ACAA2: variants seen among roughly 807,000 people sequenced by gnomAD.
ACAA2 encodes the protein acetyl-CoA acyltransferase 2.
A neutral mutation model predicts 44.8 loss-of-function variants in ACAA2; 35 were observed. The observed-to-expected ratio is 0.78, with a 90% CI of 0.60 to 1.04. ACAA2 has a LOEUF of 1.04. Among genes scored for constraint, ACAA2 ranks in the 50% least tolerant of loss-of-function variants. ACAA2 has a pLI of 0.00. For missense variants in ACAA2, 468 were observed against 482.6 expected (o/e 0.97, Z 0.28); for synonymous variants, 142 against 166.5 (o/e 0.85, Z 1.13).
intron 1 of ACAA2, among the ~76,000 whole-genome samples, chr18:49,806,747 TA>T (rs1395780051): frequency 1.4e-4 from 22 of 152,182 alleles, no homozygotes; most frequent in African/African-American, 5.1e-4. Context: ...TAGAGGAAAA[TA>T]TGCTCCTAAT....
rs200910866 is a variant in ACAA2, at chr18:49,797,624, T to C, written c.184-30A>G. On this transcript the variant is annotated intron_variant, in intron 2 of 9. Coordinates refer to ENST00000285093, the MANE Select transcript of ACAA2 (RefSeq NM_006111.3). The stretch of plus-strand genomic sequence containing the variant: ...AAGAGAGAAGGAAAAGAAAAATAAT[T>C]TTCTCTATAAATCTACTAATTAAGA... 3 of 1,550,238 alleles carry C rather than the reference T, an allele frequency of 1.9e-6. No homozygotes were observed. In the East Asian group the frequency reaches 6.8e-5, roughly 35 times the overall value.
At chr18:49,804,419 A>T (rs116120366) in intron 1 of ACAA2, among the ~76,000 whole-genome samples, 377 of 152,304 alleles carry the variant, frequency 2.5e-3, no homozygotes, top group African/African-American at 8.9e-3. Flanking sequence ...TAGAAAAAAA[A>T]TGGGCAAAAC....
At chr18:49,785,087 C>T (rs1598788879) in intron 9 of ACAA2, 110 bp downstream of exon 9, 1 of 1,318,428 alleles carries the variant, frequency 7.6e-7, no homozygotes. Flanking sequence ...ACAGCCAGTG[C>T]AGGAGACATG....
At chr18:49,802,024 C>T (rs1477107860) in intron 2 of ACAA2, among the ~76,000 whole-genome samples, 2 of 152,150 alleles carry the variant, frequency 1.3e-5, no homozygotes, top group Non-Finnish European at 2.9e-5. Flanking sequence ...ACAACAAACA[C>T]TGATCAAGCT....
At chr18:49,789,859 C>T (rs1251770184) in intron 7 of ACAA2, among the ~76,000 whole-genome samples, 1 of 152,134 alleles carries the variant, frequency 6.6e-6, no homozygotes, top group Non-Finnish European at 1.5e-5. Flanking sequence ...GGGCGGGCAC[C>T]TGTAATCCCA....
In ACAA2 at chr18:49,783,001, T is replaced by C. The variant is rs1476593225; in HGVS notation, c.*846A>G. On this transcript the variant is annotated 3_prime_UTR_variant, in exon 10 of 10. Transcript: ENST00000285093. ...GTCTTAGAACAGACAAATAAAGCAA[T>C]GGAAGTGTTGTGGGGGCATTTTAAA... The C allele has an allele frequency of 6.6e-6, 1 of 151,642 alleles. No individual in the cohort carries two copies. The highest frequency in any genetic ancestry group is 2.4e-5 in the African/African-American group (1 of 41,238). 9.4% of individuals were successfully genotyped at this position (151,642 alleles called of 1,614,324 possible).
At chr18:49,807,778 C>A (rs184923036) in intron 1 of ACAA2, among the ~76,000 whole-genome samples, 78 of 152,182 alleles carry the variant, frequency 5.1e-4, no homozygotes, top group African/African-American at 1.7e-3. Flanking sequence ...GCTACAGTGG[C>A]CGTGTTCACA....
chr18:49,802,518 C>T (rs943138270), intron 2 of ACAA2, among the ~76,000 whole-genome samples, 169 bp downstream of exon 2: 3 of 147,758 alleles, frequency 2.0e-5, no homozygotes, highest in Admixed American at 2.0e-4. Flanking sequence ...GCCAAGATCG[C>T]ACCACCATAC....
At chr18:49,795,701 G>T in intron 4 of ACAA2, 64 bp downstream of exon 4, 1 of 954,292 alleles carries the variant, frequency 1.0e-6, no homozygotes, top group Non-Finnish European at 1.5e-6. Context: ...AAAAAGGTAT[G>T]TTATTAAAAG....
At chr18:49,810,922 C>T (rs969332401) in intron 1 of ACAA2, among the ~76,000 whole-genome samples, 8 of 53,630 alleles carry the variant, frequency 1.5e-4, no homozygotes, top group African/African-American at 6.0e-4. Context: ...TATTTTAAAT[C>T]TTCATTTTAA....
chr18:49,792,376 A>C lies in ACAA2; in HGVS notation c.578-49T>G, dbSNP rs748199893. 6 of 1,445,058 alleles carry C rather than the reference A, an allele frequency of 4.2e-6. No homozygotes were observed. In the Admixed American group the frequency reaches 1.1e-4, roughly 27 times the overall value. The allele number at this position is 1,445,058 out of a possible 1,614,324, so 89.5% of individuals were successfully genotyped here. ...CATAAGAATAAAAGAGAGAAACATG[A>C]AAATAAATCAAACATATTATTCAAT... is the stretch of plus-strand genomic sequence containing the variant. On this transcript the variant is annotated intron_variant, in intron 5 of 9. Transcript: ENST00000285093.
chr18:49,785,149 T>G (rs565675833), intron 9 of ACAA2, 48 bp downstream of exon 9: 47 of 1,596,222 alleles, frequency 2.9e-5, no homozygotes, highest in Non-Finnish European at 3.7e-5. Flanking sequence ...ATCCATGCAT[T>G]TCTATAAAAA....
intron 5 of ACAA2, among the ~76,000 whole-genome samples, chr18:49,793,780 G>C (rs1231969075): frequency 6.6e-6 from 1 of 152,194 alleles, no homozygotes; most frequent in Non-Finnish European, 1.5e-5. Flanking sequence ...ACTCTAACTA[G>C]AGTCTCGGAC....
Position 49,807,820 on chromosome 18 carries a change from G to A in ACAA2, c.17-4967C>T, listed in dbSNP as rs1400635169. Among the ~76,000 whole-genome samples the A allele has an allele frequency of 2.0e-5, 3 of 152,084 alleles. No individual in the cohort carries two copies. In the South Asian group the frequency reaches 6.2e-4, roughly 32 times the overall value. On this transcript the variant is annotated intron_variant, in intron 1 of 9. Coordinates refer to ENST00000285093, the MANE Select transcript of ACAA2 (RefSeq NM_006111.3). ...TACTCCAGCCTGGGTGACAGAGCGG[G>A]ACCCTCTAAAAACAAATGAATAAAT...
chr18:49,810,523 T>C (rs899573921), intron 1 of ACAA2, among the ~76,000 whole-genome samples: 1 of 152,048 alleles, frequency 6.6e-6, no homozygotes, highest in African/African-American at 2.4e-5. Flanking sequence ...GGAAAGGGTG[T>C]GCATGGGAAA....
At chr18:49,802,612 A>G in intron 2 of ACAA2, 75 bp downstream of exon 2, 1 of 1,208,604 alleles carries the variant, frequency 8.3e-7, no homozygotes, top group Non-Finnish European at 1.2e-6. Flanking sequence ...TACCATTATG[A>G]TATGTTAAAG....
At chr18:49,799,981 GC>G (rs1201308809) in intron 2 of ACAA2, among the ~76,000 whole-genome samples, 1 of 147,336 alleles carries the variant, frequency 6.8e-6, no homozygotes, top group African/African-American at 2.5e-5. Flanking sequence ...CCGCCCGGCA[GC>G]CACCCCATCT....
At chr18:49,798,228 T>G (rs927937589) in intron 2 of ACAA2, among the ~76,000 whole-genome samples, 2 of 152,164 alleles carry the variant, frequency 1.3e-5, no homozygotes, top group Non-Finnish European at 2.9e-5. Context: ...GTAATTCTAA[T>G]GTAAAACAGG....
chr18:49,807,261 G>A lies in ACAA2; in HGVS notation c.17-4408C>T, dbSNP rs149431291. Among the ~76,000 whole-genome samples the A allele has an allele frequency of 3.1e-4, 47 of 152,266 alleles. 1 individual carries two copies. The East Asian group carries it at 8.7e-3, about 28-fold the overall frequency. On this transcript the variant is annotated intron_variant, in intron 1 of 9. Coordinates refer to ENST00000285093, the MANE Select transcript of ACAA2 (RefSeq NM_006111.3). ...ATGTAAAAAATTAGTTGGGCATAGT[G>A]GCATGTGCCTGTAGTCCCAGCTATT...
Sources: gnomAD v4.1 joint callset for allele counts (sites outside exome capture counted in the v4.1 genomes callset) on GRCh38, gnomAD v4.1.1 for gene constraint, MANE v1.5 for transcripts, NCBI Gene and HGNC (gene_info 2026-07-23, HGNC 2026-07-21) for gene names.